The following SMPD3 variants were observed in gnomAD, a reference collection of about 807,000 sequenced individuals.
SMPD3 encodes the protein sphingomyelin phosphodiesterase 3.
Under a neutral mutation model 55.7 loss-of-function variants are expected in SMPD3, and 21 were observed. The observed-to-expected ratio is 0.38, with a 90% CI of 0.27 to 0.54. The LOEUF is 0.54. SMPD3 is among the 20% of genes least tolerant of loss of function. The pLI, the probability that SMPD3 is intolerant of heterozygous loss-of-function variation, is 0.80. For missense variants in SMPD3, 842 were observed against 899.6 expected, an observed-to-expected ratio of 0.94 and a Z score of 0.82; for synonymous variants, 457 against 404.3, an observed-to-expected ratio of 1.13 and a Z score of -1.56.
At chr16:68,428,496 TCTC>T (rs1384752599) in intron 1 of SMPD3, among the ~76,000 whole-genome samples, 1 of 152,084 alleles carries the variant, frequency 6.6e-6, no homozygotes, top group Non-Finnish European at 1.5e-5. Flanking sequence ...AGAAGGGACT[TCTC>T]ATCCTGGATT....
chr16:68,421,484 G>A (rs1187468308), intron 1 of SMPD3, among the ~76,000 whole-genome samples: 1 of 152,226 alleles, frequency 6.6e-6, no homozygotes, highest in Non-Finnish European at 1.5e-5. Context: ...AGGCAATGGA[G>A]CCAAAGCCAG....
At chr16:68,392,039 C>T (rs542377125) in intron 1 of SMPD3, among the ~76,000 whole-genome samples, 6 of 152,022 alleles carry the variant, frequency 3.9e-5, no homozygotes, top group Admixed American at 2.6e-4. Flanking sequence ...TTACAGGTGC[C>T]CACCATCATG....
At chr16:68,373,909 G>A (rs978495620) in intron 2 of SMPD3, among the ~76,000 whole-genome samples, 1 of 151,928 alleles carries the variant, frequency 6.6e-6, no homozygotes, top group Non-Finnish European at 1.5e-5. Flanking sequence ...TCTGCCCCTC[G>A]CCTCGCTCAC....
chr16:68,374,338 G>A (rs996141710), intron 2 of SMPD3, among the ~76,000 whole-genome samples: 20 of 152,254 alleles, frequency 1.3e-4, no homozygotes, highest in Admixed American at 1.3e-3. Context: ...AGCTGGGGCT[G>A]TATCTGGTTC....
intron 1 of SMPD3, among the ~76,000 whole-genome samples, chr16:68,411,170 T>C (rs1304648050): frequency 6.6e-6 from 1 of 152,242 alleles, no homozygotes; most frequent in East Asian, 1.9e-4. Context: ...GGAGAGATCT[T>C]TGGGGAGTGT....
At chr16:68,393,107 T>G (rs1016798776) in intron 1 of SMPD3, among the ~76,000 whole-genome samples, 11 of 152,008 alleles carry the variant, frequency 7.2e-5, no homozygotes, top group African/African-American at 1.7e-4. Flanking sequence ...CTGGGTAACA[T>G]GAAAATGGAC....
chr16:68,392,027 G>C (rs2090115493), intron 1 of SMPD3, among the ~76,000 whole-genome samples: 1 of 151,950 alleles, frequency 6.6e-6, no homozygotes, highest in Admixed American at 6.6e-5. Context: ...GAGTAGGTGG[G>C]ATTACAGGTG....
At chr16:68,387,394 G>A (rs1030861638) in intron 1 of SMPD3, among the ~76,000 whole-genome samples, 3 of 152,110 alleles carry the variant, frequency 2.0e-5, no homozygotes, top group African/African-American at 7.2e-5. Flanking sequence ...ACTGAGGTGA[G>A]GGATCCTGGC....
intron 1 of SMPD3, among the ~76,000 whole-genome samples, chr16:68,411,966 C>G (rs941654799): frequency 6.6e-6 from 1 of 152,008 alleles, no homozygotes; most frequent in Non-Finnish European, 1.5e-5. Context: ...GGTGGGGGAG[C>G]TTTTGAGACA....
In SMPD3 at chr16:68,364,882, T is replaced by C. The variant is rs751749157; in HGVS notation, c.1424A>G (p.Gln475Arg). ...PQEDSAIRCG[Q>R]LDLLQDWLAD... Reference sequence around the variant, plus strand: ...CAGCCAGTCCTGAAGCAGGTCCAGCTGCCCACACCGGATGGCGCTGTCCTC... The same window carrying C: ...CAGCCAGTCCTGAAGCAGGTCCAGCCGCCCACACCGGATGGCGCTGTCCTC... Residue 475 changes from glutamine to arginine, a missense_variant, in exon 5 of 9, where the codon CAG becomes CGG. Gln to Arg is a conservative substitution (Grantham distance 43). This residue lies in a region of SMPD3 where 649 missense variants were observed against 643.6 expected (regional missense o/e 1.01). Coordinates refer to ENST00000219334, the MANE Select transcript of SMPD3 (RefSeq NM_018667.4). 1 of 1,613,966 alleles carries C rather than the reference T, an allele frequency of 6.2e-7. No individual in the cohort carries two copies. Among genetic ancestry groups the C allele is most frequent in the South Asian group, 1.1e-5 (1 of 91,078 alleles).
In SMPD3 at chr16:68,372,170, G is replaced by A. The variant is rs1468363052; in HGVS notation, c.12C>T (p.Tyr4=). The A allele has an allele frequency of 6.2e-7, 1 of 1,612,054 alleles. No homozygotes were observed. Among genetic ancestry groups the A allele is most frequent in the African/African-American group, 1.3e-5 (1 of 75,058 alleles). The change falls in exon 3 of 9, where the codon TAC becomes TAT. Residue 4 remains tyrosine (Y), a synonymous_variant. Coordinates refer to ENST00000219334, the MANE Select transcript of SMPD3 (RefSeq NM_018667.4). ...GACAGCTGTTAGGAAAGGGGGTCGT[G>A]TACAAAACCATCGCAGCTCACTGGG... The part of the protein sequence containing the change: MVL[Y]TTPFPNSCLS...
intron 1 of SMPD3, among the ~76,000 whole-genome samples, chr16:68,413,147 G>A (rs956345534): frequency 6.6e-6 from 1 of 152,258 alleles, no homozygotes; most frequent in Non-Finnish European, 1.5e-5. Context: ...TTTGCTGGAT[G>A]CACAGGGCCT....
intron 1 of SMPD3, among the ~76,000 whole-genome samples, chr16:68,394,070 C>T (rs1392703857): frequency 1.3e-5 from 2 of 152,168 alleles, no homozygotes; most frequent in African/African-American, 2.4e-5. Context: ...ATGCTTATGT[C>T]TTTCCCACAG....
Position 68,364,733 on chromosome 16 carries a change from G to A in SMPD3, c.1555+18C>T, listed in dbSNP as rs527411864. The A allele has an allele frequency of 4.6e-5, 74 of 1,604,244 alleles. No homozygotes were observed. In the South Asian group the frequency reaches 7.6e-4, roughly 16 times the overall value. ...TCCCCAGAGCTGGAGACCTGAGTGG[G>A]GAGGAGCCCGGCCTCACCAGAGGAG... is the stretch of plus-strand genomic sequence containing the variant. On this transcript the variant is annotated intron_variant, in intron 5 of 8. Coordinates refer to ENST00000219334, the MANE Select transcript of SMPD3 (RefSeq NM_018667.4).
Position 68,372,333 on chromosome 16 carries a change from TGGCCAGCCGGTCATGGTTCACCTCGGTG to T in SMPD3, c.-180_-153del. The T allele has an allele frequency of 9.7e-7, 1 of 1,029,304 alleles. No homozygotes were observed. Among genetic ancestry groups the T allele is most frequent in the South Asian group, 1.6e-5 (1 of 63,324 alleles). The allele number at this position is 1,029,304 out of a possible 1,614,324, so 63.8% of individuals were successfully genotyped here. On this transcript the variant is annotated 5_prime_UTR_variant, in exon 3 of 9. An upstream start codon of the reference 5' UTR is lost. Transcript: ENST00000219334. ...ACTCCGGCTGGTCAATGGCGAATGT[TGGCCAGCCGGTCATGGTTCACCTCGGTG>T]GGCCATGCGGAGGCCTACTGCAGAC...
chr16:68,373,810 C>A (rs1253544747), intron 2 of SMPD3, among the ~76,000 whole-genome samples: 1 of 152,186 alleles, frequency 6.6e-6, no homozygotes, highest in Non-Finnish European at 1.5e-5. Flanking sequence ...GAGCTCAGCC[C>A]CTCTGTCAGG....
chr16:68,439,345 C>T (rs1011337916), intron 1 of SMPD3, among the ~76,000 whole-genome samples: 9 of 152,226 alleles, frequency 5.9e-5, no homozygotes, highest in Non-Finnish European at 1.3e-4. Context: ...CCCAGCCAGA[C>T]CCTGGTCTCC....
chr16:68,372,164 G>C lies in SMPD3; in HGVS notation c.18C>G (p.Thr6=). The C allele has an allele frequency of 6.2e-7, 1 of 1,612,444 alleles. No homozygotes were observed. The highest frequency in any genetic ancestry group is 2.2e-5 in the East Asian group (1 of 44,800). ...CGGACAGACAGCTGTTAGGAAAGGGGGTCGTGTACAAAACCATCGCAGCTC... is the reference window on the plus strand; with the variant it reads ...CGGACAGACAGCTGTTAGGAAAGGGCGTCGTGTACAAAACCATCGCAGCTC... MVLYT[T]PFPNSCLSAL... Residue 6 remains threonine (T), a synonymous_variant, in exon 3 of 9, where the codon ACC becomes ACG. Coordinates refer to ENST00000219334, the MANE Select transcript of SMPD3 (RefSeq NM_018667.4).
In SMPD3 at chr16:68,370,882, A is replaced by G. The variant is rs1422554289; in HGVS notation, c.1300T>C (p.Ser434Pro). ...PNKCNDDALA[S>P]KGALFLKVQV... Reference sequence around the variant, plus strand: ...ACCTTGAGAAACAGAGCTCCCTTAGAGGCCAGGGCATCGTCGTTACACTTG... The same window carrying G: ...ACCTTGAGAAACAGAGCTCCCTTAGGGGCCAGGGCATCGTCGTTACACTTG... Residue 434 changes from serine (S) to proline (P), a missense_variant, in exon 3 of 9, where the codon TCT (serine) becomes CCT (proline). By Grantham distance (74) the Ser-to-Pro change is moderately conservative. This residue lies in a region of SMPD3 where 649 missense variants were observed against 643.6 expected (regional missense o/e 1.01). Transcript: ENST00000219334. 6.2e-7 allele frequency: 1 copy of G among 1,613,748 alleles called. No homozygotes were observed. The highest frequency in any genetic ancestry group is 8.5e-7 in the Non-Finnish European group (1 of 1,179,904).
Sources: allele counts gnomAD v4.1 joint callset (sites outside exome capture counted in the v4.1 genomes callset), GRCh38; gene constraint gnomAD v4.1.1; regional missense constraint gnomAD v4.1.1; transcripts MANE v1.5; gene names NCBI Gene and HGNC (gene_info 2026-07-23, HGNC 2026-07-21).